Variants in NDST4 observed in about 807,000 individuals in gnomAD.
The protein encoded by NDST4 is N-deacetylase and N-sulfotransferase 4, also known as N-heparan sulfate sulfotransferase 4.
In NDST4, 63 loss-of-function variants were observed where a neutral mutation model predicts 100.8. The observed-to-expected ratio is 0.62, with a 90% CI of 0.51 to 0.77. NDST4 has a LOEUF of 0.77. NDST4 is among the 30% of genes least tolerant of loss of function. NDST4 has a pLI of 0.00. For synonymous variants in NDST4, 377 were observed against 361.8 expected (o/e 1.04, Z -0.48); for missense variants, 943 against 1,018.4 (o/e 0.93, Z 1.01).
intron 2 of NDST4, among the ~76,000 whole-genome samples, chr4:114,978,151 A>G (rs1194407716): frequency 6.6e-6 from 1 of 151,992 alleles, no homozygotes; most frequent in Non-Finnish European, 1.5e-5. Context: ...ATGGATTTTT[A>G]AAGAGGACAT....
At chr4:114,968,974 T>G (rs1328511499) in intron 4 of NDST4, among the ~76,000 whole-genome samples, 1 of 152,180 alleles carries the variant, frequency 6.6e-6, no homozygotes, top group Non-Finnish European at 1.5e-5. Context: ...GTTTCAGAAG[T>G]CTTCTAGGTG....
rs567855225 is a variant in NDST4, at chr4:114,862,604, G to A, written c.1719+8164C>T. On this transcript the variant is annotated intron_variant, in intron 7 of 13. Transcript: ENST00000264363. Reference sequence around the variant, plus strand: ...GTTCTTGGTTCTGTATGTTCAACTCGGCCACTTATCTTCTTTATTGCAGTG... The same window carrying A: ...GTTCTTGGTTCTGTATGTTCAACTCAGCCACTTATCTTCTTTATTGCAGTG... 5.3e-5 allele frequency among the ~76,000 whole-genome samples: 8 copies of A among 152,056 alleles called. No homozygotes were observed. In the East Asian group the frequency reaches 7.7e-4, roughly 15 times the overall value.
At chr4:114,973,663 A>C (rs546959442) in intron 3 of NDST4, among the ~76,000 whole-genome samples, 26 of 151,894 alleles carry the variant, frequency 1.7e-4, no homozygotes, top group African/African-American at 6.3e-4. Context: ...TATGCTTCTG[A>C]AATTTCTTTA....
At chr4:114,867,665 C>CAAAAAAAAAAAAAAAAAAAAAA in intron 7 of NDST4, among the ~76,000 whole-genome samples, 69 of 79,888 alleles carry the variant, frequency 8.6e-4, no homozygotes, top group South Asian at 2.8e-3. Context: ...AAAAAAAAAG[C>CAAAAAAAAAAAAAAAAAAAAAA]AAAAAAAAAA....
intron 1 of NDST4, among the ~76,000 whole-genome samples, chr4:115,095,196 C>A (rs957671146): frequency 6.6e-5 from 10 of 152,040 alleles, no homozygotes; most frequent in African/African-American, 1.9e-4. Context: ...GCCATTTATC[C>A]CCGGCCATAT....
At chr4:114,963,368 G>A (rs890257720) in intron 4 of NDST4, among the ~76,000 whole-genome samples, 1 of 152,118 alleles carries the variant, frequency 6.6e-6, no homozygotes, top group Admixed American at 6.5e-5. Context: ...TATATCCCAC[G>A]TCCAGTATAA....
At chr4:115,039,626 C>T (rs1293802008) in intron 2 of NDST4, among the ~76,000 whole-genome samples, 3 of 152,152 alleles carry the variant, frequency 2.0e-5, no homozygotes, top group African/African-American at 7.2e-5. Flanking sequence ...AAAAAATTTG[C>T]ATCGTCTAAC....
At chr4:114,867,240 C>T (rs1724046403) in intron 7 of NDST4, among the ~76,000 whole-genome samples, 1 of 152,136 alleles carries the variant, frequency 6.6e-6, no homozygotes, top group African/African-American at 2.4e-5. Flanking sequence ...ATAGAATCTA[C>T]AGTGTGTATG....
chr4:115,011,345 A>T (rs1383315488), intron 2 of NDST4, among the ~76,000 whole-genome samples: 1 of 151,992 alleles, frequency 6.6e-6, no homozygotes, highest in African/African-American at 2.4e-5. Context: ...GAAAAGTCTT[A>T]TCACTTATCT....
intron 2 of NDST4, among the ~76,000 whole-genome samples, chr4:115,028,717 T>C (rs1728044018): frequency 1.3e-5 from 2 of 152,118 alleles, no homozygotes; most frequent in African/African-American, 4.8e-5. Flanking sequence ...AGACTAATTA[T>C]GAATAGGAAT....
intron 6 of NDST4, among the ~76,000 whole-genome samples, chr4:114,889,730 G>A (rs911745660): frequency 2.0e-5 from 3 of 152,072 alleles, no homozygotes; most frequent in African/African-American, 2.4e-5. Flanking sequence ...AGCCTTGACT[G>A]GGGGGAGAAA....
chr4:114,884,539 C>G (rs900556746), intron 6 of NDST4, among the ~76,000 whole-genome samples: 37 of 152,074 alleles, frequency 2.4e-4, no homozygotes, highest in Admixed American at 7.9e-4. Flanking sequence ...CTTTAAGTCT[C>G]TACAGTGATG....
At chr4:115,002,934 TG>T (rs1190649755) in intron 2 of NDST4, among the ~76,000 whole-genome samples, 1 of 152,116 alleles carries the variant, frequency 6.6e-6, no homozygotes, top group African/African-American at 2.4e-5. Flanking sequence ...TTCAGGGACA[TG>T]GATGAAGCTG....
chr4:114,864,388 A>G lies in NDST4; in HGVS notation c.1719+6380T>C, dbSNP rs1377214390. Reference sequence around the variant, plus strand: ...TTTTAAAACACATTTTTCCTTTCCAATTGGCCTGTGTTGTTTCTTAATTTT... The same window carrying G: ...TTTTAAAACACATTTTTCCTTTCCAGTTGGCCTGTGTTGTTTCTTAATTTT... On this transcript the variant is annotated intron_variant, in intron 7 of 13. Coordinates refer to ENST00000264363, the MANE Select transcript of NDST4 (RefSeq NM_022569.3). Among the ~76,000 whole-genome samples the G allele has an allele frequency of 2.0e-5, 3 of 152,240 alleles. No individual in the cohort carries two copies. In the East Asian group the frequency reaches 5.8e-4, roughly 29 times the overall value.
intron 4 of NDST4, among the ~76,000 whole-genome samples, chr4:114,952,067 T>A (rs1726001368): frequency 6.6e-6 from 1 of 152,152 alleles, no homozygotes; most frequent in African/African-American, 2.4e-5. Flanking sequence ...GAATTGGAGT[T>A]CTTATAGTTA....
chr4:114,901,174 T>C (rs1724830215), intron 6 of NDST4, among the ~76,000 whole-genome samples: 1 of 152,046 alleles, frequency 6.6e-6, no homozygotes, highest in African/African-American at 2.4e-5. Context: ...TGACTGATGG[T>C]GTAGTTGAGC....
intron 6 of NDST4, among the ~76,000 whole-genome samples, chr4:114,886,831 T>G (rs1182231132): frequency 6.6e-6 from 1 of 152,166 alleles, no homozygotes; most frequent in Non-Finnish European, 1.5e-5. Context: ...GTCTGCTTGT[T>G]GGAAAATAAC....
intron 2 of NDST4, among the ~76,000 whole-genome samples, chr4:115,068,972 A>G (rs973384406): frequency 2.0e-5 from 3 of 152,058 alleles, no homozygotes; most frequent in Admixed American, 6.6e-5. Context: ...GCAAAACTAG[A>G]TGTATGAGAA....
intron 7 of NDST4, among the ~76,000 whole-genome samples, chr4:114,866,738 G>A (rs952798407): frequency 6.6e-6 from 1 of 152,222 alleles, no homozygotes; most frequent in Middle Eastern, 3.4e-3. Context: ...AAGTTGTAGG[G>A]TGGTAAAAAG....
Sources: allele counts gnomAD v4.1 joint callset (sites outside exome capture counted in the v4.1 genomes callset), GRCh38; gene constraint gnomAD v4.1.1; transcripts MANE v1.5; gene names NCBI Gene and HGNC (gene_info 2026-07-23, HGNC 2026-07-21).